Variants in SNX25 observed in about 807,000 individuals in gnomAD.
SNX25 encodes sorting nexin 25.
In SNX25, 62 loss-of-function variants were observed where a neutral mutation model predicts 113.7. That is an observed-to-expected ratio of 0.55 (90% CI 0.44 to 0.67). SNX25 has a LOEUF of 0.67. Ranked by LOEUF, SNX25 falls within the 30% of genes least tolerant of loss-of-function variation. The pLI is 0.00. For synonymous variants in SNX25, 421 were observed against 436.2 expected, an observed-to-expected ratio of 0.97 and a Z score of 0.43; for missense variants, 1,014 against 1,161.0, an observed-to-expected ratio of 0.87 and a Z score of 1.84.
At position 185,218,729 on chromosome 4, in the gene SNX25, A is replaced by T. The variant is rs1739300795; in HGVS notation, c.429+8474A>T. Among the ~76,000 whole-genome samples the T allele has an allele frequency of 3.9e-5, 6 of 152,372 alleles. No individual in the cohort carries two copies. The South Asian group carries it at 1.2e-3, about 32-fold the overall frequency. ...AGACACATAACTTGTTTATTAGGCT[A>T]CTAGGATCTATTCAATAGACTTCCT... On this transcript the variant is annotated intron_variant, in intron 1 of 18. Coordinates refer to ENST00000652585, the MANE Select transcript of SNX25 (RefSeq NM_001378034.2).
chr4:185,311,484 C>T (rs1337359166), intron 7 of SNX25, among the ~76,000 whole-genome samples: 1 of 152,182 alleles, frequency 6.6e-6, no homozygotes, highest in African/African-American at 2.4e-5. Context: ...AAGGACCAAA[C>T]TTGTCTTCCA....
At chr4:185,228,385 T>C (rs1741329400) in intron 1 of SNX25, among the ~76,000 whole-genome samples, 1 of 151,506 alleles carries the variant, frequency 6.6e-6, no homozygotes, top group Non-Finnish European at 1.5e-5. Context: ...TAGTAGGAGA[T>C]AAAAATGGGG....
At chr4:185,289,304 C>G (rs915808555) in intron 6 of SNX25, among the ~76,000 whole-genome samples, 1 of 152,138 alleles carries the variant, frequency 6.6e-6, no homozygotes, top group African/African-American at 2.4e-5. Flanking sequence ...GTCACATGTT[C>G]CTTGGAGAAA....
At chr4:185,220,821 G>T (rs1414916479) in intron 1 of SNX25, among the ~76,000 whole-genome samples, 2 of 151,850 alleles carry the variant, frequency 1.3e-5, no homozygotes, top group Non-Finnish European at 2.9e-5. Flanking sequence ...TACCCCATAG[G>T]CACTCCATCA....
At chr4:185,239,348 TG>T (rs1743212211) in intron 1 of SNX25, among the ~76,000 whole-genome samples, 2 of 151,988 alleles carry the variant, frequency 1.3e-5, no homozygotes, top group Non-Finnish European at 2.9e-5. Flanking sequence ...CCGGGCGTGG[TG>T]GTGGGCACCT....
At chr4:185,289,878 A>G (rs1399476105) in intron 6 of SNX25, among the ~76,000 whole-genome samples, 3 of 152,132 alleles carry the variant, frequency 2.0e-5, no homozygotes, top group African/African-American at 7.2e-5. Context: ...TAAAAAGTGC[A>G]AGCTGGGTGG....
intron 10 of SNX25, among the ~76,000 whole-genome samples, chr4:185,335,326 A>T (rs1038404667): frequency 6.9e-6 from 1 of 144,954 alleles, no homozygotes; most frequent in African/African-American, 2.8e-5. Context: ...TCACACACAC[A>T]CACACACACA....
intron 5 of SNX25, among the ~76,000 whole-genome samples, chr4:185,273,542 A>C (rs1031563521): frequency 1.3e-5 from 2 of 152,166 alleles, no homozygotes; most frequent in Non-Finnish European, 2.9e-5. Context: ...TGTGGTGAGA[A>C]CACCTAGGAT....
intron 5 of SNX25, among the ~76,000 whole-genome samples, 180 bp from the exon 6 acceptor site, chr4:185,287,832 G>T (rs919686939): frequency 1.3e-5 from 2 of 152,144 alleles, no homozygotes; most frequent in African/African-American, 2.4e-5. Flanking sequence ...TGACTAGCGC[G>T]TGGCATGGGG....
chr4:185,358,728 T>A (rs1486229096), intron 16 of SNX25, among the ~76,000 whole-genome samples: 1 of 152,172 alleles, frequency 6.6e-6, no homozygotes, highest in Non-Finnish European at 1.5e-5. Context: ...ATCTTTTATA[T>A]GGTAACTCTA....
In SNX25 at chr4:185,210,452, G is replaced by C. The variant is rs375215672; in HGVS notation, c.429+197G>C. ...CGCGCGCGGCGGGCTCCGGGCTCCG[G>C]GCTCCGCGCTCCGCGGTGCTGGAGG... On this transcript the variant is annotated intron_variant, in intron 1 of 18. Coordinates refer to ENST00000652585, the MANE Select transcript of SNX25 (RefSeq NM_001378034.2). The surrounding 1 kb of genome is among the most constrained non-coding windows in gnomAD (Gnocchi z 4.4). Among the ~76,000 whole-genome samples, 7 of 148,470 alleles carry C rather than the reference G, an allele frequency of 4.7e-5. No homozygotes were observed. In the East Asian group the frequency reaches 5.9e-4, roughly 12 times the overall value.
rs1395758637 is a variant in SNX25 at position 185,363,394 on chromosome 4, G to A, written c.2944G>A (p.Glu982Lys). 4 of 1,614,038 alleles carry A rather than the reference G, an allele frequency of 2.5e-6. No individual in the cohort carries two copies. Among genetic ancestry groups the A allele is most frequent in the Non-Finnish European group, 3.4e-6 (4 of 1,179,978 alleles). ...TTCTTTGTTGGTTCAGGCGCTGATG[G>A]AACTGCTGCTAATTGAACTGTGTCC... is the stretch of plus-strand genomic sequence containing the variant. ...ANKHLLYALM[E>K]LLLIELCPEL... Residue 982 changes from glutamate to lysine, a missense_variant, in exon 19 of 19, where the codon GAA becomes AAA. Coordinates refer to ENST00000652585, the MANE Select transcript of SNX25 (RefSeq NM_001378034.2). The surrounding 1 kb of genome is among the most constrained non-coding windows in gnomAD (Gnocchi z 4.2).
intron 1 of SNX25, among the ~76,000 whole-genome samples, chr4:185,234,544 T>C (rs1742335873): frequency 1.4e-5 from 1 of 70,748 alleles, no homozygotes; most frequent in Non-Finnish European, 3.1e-5. Context: ...TAGCCGGGCG[T>C]GGTGGCGGGC....
chr4:185,240,262 G>A (rs1489624164), intron 1 of SNX25, among the ~76,000 whole-genome samples: 8 of 152,022 alleles, frequency 5.3e-5, no homozygotes, highest in African/African-American at 7.3e-5. Context: ...ATCATGGCCC[G>A]TTCTCAATGA....
At chr4:185,221,639 C>T (rs1739873577) in intron 1 of SNX25, among the ~76,000 whole-genome samples, 1 of 152,130 alleles carries the variant, frequency 6.6e-6, no homozygotes, top group Middle Eastern at 3.2e-3. Context: ...AATTCCTCTT[C>T]AGCAGCATGT....
rs1243101710 is a variant in SNX25 at position 185,323,952 on chromosome 4, A to G, written c.1749+152A>G. On this transcript the variant is annotated intron_variant, in intron 9 of 18. Coordinates refer to ENST00000652585, the MANE Select transcript of SNX25 (RefSeq NM_001378034.2). ...GAATAAAAGTAGCATCGTTTAATAT[A>G]CAAGACCTTAAATAGAATAAAAAGT... 6 of 764,358 alleles carry G rather than the reference A, an allele frequency of 7.8e-6. No homozygotes were observed. In the East Asian group the frequency reaches 1.6e-4, roughly 21 times the overall value. 47.3% of individuals were successfully genotyped at this position (764,358 alleles called of 1,614,324 possible).
At chr4:185,349,557 C>T (rs2126738622) in intron 13 of SNX25, among the ~76,000 whole-genome samples, 1 of 152,280 alleles carries the variant, frequency 6.6e-6, no homozygotes, top group East Asian at 1.9e-4. Flanking sequence ...CCTTTTCTTT[C>T]ATATCCTTGC....
At chr4:185,280,912 T>C (rs1328479094) in intron 5 of SNX25, among the ~76,000 whole-genome samples, 2 of 152,206 alleles carry the variant, frequency 1.3e-5, no homozygotes, top group East Asian at 3.8e-4. Context: ...ATATCTATCT[T>C]GCAGCTTTCA....
At chr4:185,293,704 A>G (rs1048340319) in intron 6 of SNX25, among the ~76,000 whole-genome samples, 3 of 152,024 alleles carry the variant, frequency 2.0e-5, no homozygotes, top group Non-Finnish European at 2.9e-5. Context: ...ATTTTTGACA[A>G]AAGGTGATTT....
Sources: allele counts gnomAD v4.1 joint callset (sites outside exome capture counted in the v4.1 genomes callset), GRCh38; gene constraint gnomAD v4.1.1; non-coding constraint Gnocchi (gnomAD v3.1); transcripts MANE v1.5; gene names NCBI Gene and HGNC (gene_info 2026-07-23, HGNC 2026-07-21).